PEAK1: variants seen among roughly 807,000 people sequenced by gnomAD.
PEAK1 encodes the protein pseudopodium enriched atypical kinase 1.
A neutral mutation model predicts 124.7 loss-of-function variants in PEAK1; 54 were observed. That is an observed-to-expected ratio of 0.43 (90% CI 0.35 to 0.54). PEAK1 has a LOEUF of 0.54. Among genes scored for constraint, PEAK1 ranks in the 20% least tolerant of loss-of-function variants. The pLI, the probability that PEAK1 is intolerant of heterozygous loss-of-function variation, is 0.01. For missense variants in PEAK1, 2,046 were observed against 2,134.5 expected (o/e 0.96, Z 0.82); for synonymous variants, 719 against 760.0 (o/e 0.95, Z 0.89).
chr15:77,194,502 A>C (rs1307794807), intron 6 of PEAK1, among the ~76,000 whole-genome samples: 1 of 152,166 alleles, frequency 6.6e-6, no homozygotes, highest in African/African-American at 2.4e-5. Context: ...AATCCTATAG[A>C]TCTTTTGATC....
At chr15:77,274,970 G>T (rs1447300191) in intron 5 of PEAK1, among the ~76,000 whole-genome samples, 1 of 152,140 alleles carries the variant, frequency 6.6e-6, no homozygotes, top group Non-Finnish European at 1.5e-5. Context: ...ATATACCATG[G>T]AATACTACTC....
At chr15:77,139,438 C>T (rs1481892519) in intron 8 of PEAK1, among the ~76,000 whole-genome samples, 1 of 152,168 alleles carries the variant, frequency 6.6e-6, no homozygotes, top group African/African-American at 2.4e-5. Context: ...ATGTGCTATA[C>T]TTTTATGACT....
intron 2 of PEAK1, among the ~76,000 whole-genome samples, chr15:77,356,889 C>T (rs1165448440): frequency 6.6e-6 from 1 of 152,172 alleles, no homozygotes; most frequent in Non-Finnish European, 1.5e-5. Context: ...TATAACCACA[C>T]ACAAAATATC....
chr15:77,245,118 T>A (rs933261847), intron 6 of PEAK1, among the ~76,000 whole-genome samples: 8 of 152,204 alleles, frequency 5.3e-5, no homozygotes, highest in South Asian at 2.1e-4. Flanking sequence ...AATAATCTAC[T>A]CTTTTTCATT....
At chr15:77,381,249 C>A (rs1329451265) in intron 1 of PEAK1, 2 of 981,666 alleles carry the variant, frequency 2.0e-6, no homozygotes, top group African/African-American at 1.7e-5. Flanking sequence ...CATAATTGAT[C>A]CTTAAAGAAT....
intron 8 of PEAK1, among the ~76,000 whole-genome samples, chr15:77,151,163 C>G (rs917890915): frequency 6.6e-6 from 1 of 152,020 alleles, no homozygotes; most frequent in African/African-American, 2.4e-5. Flanking sequence ...TCCACATCCT[C>G]TCCAGCACCT....
In PEAK1 at chr15:77,326,982, C is replaced by T. The variant is rs2065617484; in HGVS notation, c.-603+38181G>A. ...AAACATATTCAACAACAAACCACAT[C>T]CAAAAATACTTAGCAGCCTATGATG... On this transcript the variant is annotated intron_variant, in intron 2 of 9. Transcript: ENST00000682557. Among the ~76,000 whole-genome samples, 2 of 152,022 alleles carry T rather than the reference C, an allele frequency of 1.3e-5. 1 individual carries two copies. The highest frequency in any genetic ancestry group is 4.1e-4 in the South Asian group (2 of 4,828).
intron 7 of PEAK1, chr15:77,178,297 CAGAA>C (rs2057009865): frequency 1.3e-5 from 2 of 153,272 alleles, no homozygotes; most frequent in Non-Finnish European, 1.5e-5. Flanking sequence ...GGAAGGAGGA[CAGAA>C]AGAGACAGCA....
intron 6 of PEAK1, among the ~76,000 whole-genome samples, chr15:77,232,511 A>G (rs944910584): frequency 2.0e-5 from 3 of 152,128 alleles, no homozygotes; most frequent in African/African-American, 4.8e-5. Flanking sequence ...TCCCCAGGTC[A>G]CTCGCTACTT....
At chr15:77,128,415 G>A (rs1041076732) in intron 9 of PEAK1, among the ~76,000 whole-genome samples, 1 of 152,142 alleles carries the variant, frequency 6.6e-6, no homozygotes, top group Admixed American at 6.5e-5. Flanking sequence ...CCCACCAAAG[G>A]ACCAGTAGGC....
At chr15:77,285,926 A>AGTTCT (rs1254404651) in intron 3 of PEAK1, among the ~76,000 whole-genome samples, 1 of 151,788 alleles carries the variant, frequency 6.6e-6, no homozygotes, top group Admixed American at 6.6e-5. Flanking sequence ...TTGCTTCTCT[A>AGTTCT]GTTCTTTTAA....
In PEAK1 at chr15:77,148,525, T is replaced by C. The variant is rs1018892390; in HGVS notation, c.3331+9978A>G. Among the ~76,000 whole-genome samples the C allele has an allele frequency of 2.0e-5, 3 of 152,210 alleles. No individual in the cohort carries two copies. The South Asian group carries it at 6.2e-4, about 31-fold the overall frequency. On this transcript the variant is annotated intron_variant, in intron 8 of 9. Transcript: ENST00000682557. ...GTTGTGCAGGAAGCCCACAATATTT[T>C]AGATTTACATTTTGTTGTTCTGCTT...
chr15:77,216,692 T>A (rs533859207), intron 6 of PEAK1, among the ~76,000 whole-genome samples: 1 of 152,290 alleles, frequency 6.6e-6, no homozygotes, highest in East Asian at 1.9e-4. Context: ...AAAGGACTCA[T>A]GATTAGCAGC....
intron 2 of PEAK1, chr15:77,335,750 C>G: frequency 1.0e-6 from 1 of 980,078 alleles, no homozygotes; most frequent in Non-Finnish European, 1.2e-6. Flanking sequence ...TTCAGCCTCC[C>G]AAAGTGCTCA....
At chr15:77,165,573 C>CT (rs1292791371) in intron 7 of PEAK1, among the ~76,000 whole-genome samples, 8 of 152,172 alleles carry the variant, frequency 5.3e-5, no homozygotes, top group Non-Finnish European at 1.2e-4. Flanking sequence ...GTCAGTGCAC[C>CT]TTTTTTCACT....
chr15:77,234,160 C>T (rs977182266), intron 6 of PEAK1, among the ~76,000 whole-genome samples: 15 of 152,162 alleles, frequency 9.9e-5, no homozygotes, highest in African/African-American at 3.6e-4. Context: ...AGCCACTGTG[C>T]CCACACAGCA....
At chr15:77,419,601 T>G in intron 1 of PEAK1, 1 of 985,036 alleles carries the variant, frequency 1.0e-6, no homozygotes, top group South Asian at 4.7e-5. Context: ...AAGCCCCTCC[T>G]GCCCCGGCCT....
chr15:77,227,064 C>T (rs2059709898), intron 6 of PEAK1, among the ~76,000 whole-genome samples: 2 of 152,158 alleles, frequency 1.3e-5, no homozygotes, highest in South Asian at 4.1e-4. Flanking sequence ...GCATGAGTTG[C>T]ATTCCCATAG....
At chr15:77,382,121 C>A (rs1167187273) in intron 1 of PEAK1, among the ~76,000 whole-genome samples, 2 of 152,122 alleles carry the variant, frequency 1.3e-5, no homozygotes, top group Non-Finnish European at 2.9e-5. Context: ...CCTCCCTCCT[C>A]TCTATCTATC....
Sources: gnomAD v4.1 joint callset for allele counts (sites outside exome capture counted in the v4.1 genomes callset) on GRCh38, gnomAD v4.1.1 for gene constraint, MANE v1.5 for transcripts, NCBI Gene and HGNC (gene_info 2026-07-23, HGNC 2026-07-21) for gene names.